The following TLNRD1 variants were observed in gnomAD, a reference collection of about 807,000 sequenced individuals.
TLNRD1 encodes the protein talin rod domain-containing protein 1.
Under a neutral mutation model 19.5 loss-of-function variants are expected in TLNRD1, and 14 were observed. The ratio of observed to expected loss-of-function variants is 0.72; its 90% CI spans 0.47 to 1.12. The LOEUF (loss-of-function observed/expected upper bound fraction) is 1.12. TLNRD1 is among the 50% of genes most tolerant of loss of function. The pLI, the probability that TLNRD1 is intolerant of heterozygous loss-of-function variation, is 0.00. For synonymous variants in TLNRD1, 345 were observed against 261.7 expected (o/e 1.32, Z -3.07); for missense variants, 569 against 531.9 (o/e 1.07, Z -0.69).
rs896284428 is a variant in TLNRD1, at chr15:81,002,853, G to C, written c.582G>C (p.Leu194=). 28 of 1,595,462 alleles carry C rather than the reference G, an allele frequency of 1.8e-5. No individual in the cohort carries two copies. Among genetic ancestry groups the C allele is most frequent in the Non-Finnish European group, 2.3e-5 (27 of 1,178,184 alleles). Residue 194 remains leucine, a synonymous_variant, in exon 1 of 1, where the codon CTG becomes CTC. Transcript: ENST00000267984. ...SQGLSRNLKF[L]TDACALASDK... is the part of the protein sequence containing the mutation. ...GCCTGTCGCGCAACCTCAAGTTCCT[G>C]ACGGACGCGTGCGCCCTGGCCAGTG...
At position 81,003,513 on chromosome 15, in the gene TLNRD1, A is replaced by T; in HGVS notation, c.*153A>T. 1.1e-6 allele frequency: 1 copy of T among 885,294 alleles called. No individual in the cohort carries two copies. The highest frequency in any genetic ancestry group is 1.7e-5 in the African/African-American group (1 of 58,836). The allele number at this position is 885,294 out of a possible 1,614,324, so 54.8% of individuals were successfully genotyped here. On this transcript the variant is annotated 3_prime_UTR_variant, in exon 1 of 1. Transcript: ENST00000267984. ...GAGGAATCTTCCACAAGGCAGGGCC[A>T]TGCACGCAACCTGCACACGCACTTG...
rs373917995 is a variant in TLNRD1 at position 81,003,177 on chromosome 15, G to C, written c.906G>C (p.Leu302=). 6.3e-7 allele frequency: 1 copy of C among 1,583,290 alleles called. No homozygotes were observed. The highest frequency in any genetic ancestry group is 1.3e-5 in the African/African-American group (1 of 74,392). Reference sequence around the variant, plus strand: ...GCGTGGTGTCGGCCTGCGTGCTCCTGACCCAGTGCCTCAGGGATCTGGCGC... The same window carrying C: ...GCGTGGTGTCGGCCTGCGTGCTCCTCACCCAGTGCCTCAGGGATCTGGCGC... ...AMSVVSACVL[L]TQCLRDLAQH... Residue 302 remains leucine, a synonymous_variant, in exon 1 of 1, where the codon CTG becomes CTC. Transcript: ENST00000267984.
chr15:81,002,800 C>A lies in TLNRD1; in HGVS notation c.529C>A (p.Pro177Thr). 6.4e-7 allele frequency: 1 copy of A among 1,565,772 alleles called. No individual in the cohort carries two copies. The change falls in exon 1 of 1, where the codon CCG (proline) becomes ACG (threonine). Residue 177 changes from proline to threonine, a missense_variant. Coordinates refer to ENST00000267984, the MANE Select transcript of TLNRD1 (RefSeq NM_022566.3). ...CGCCACGCCGCTGGCCGACATGACGCCGCAGCTGCTGCTGGAGGTGTCGCA... is the reference window on the plus strand; with the variant it reads ...CGCCACGCCGCTGGCCGACATGACGACGCAGCTGCTGCTGGAGGTGTCGCA... ...LRATPLADMTPQLLLEVSQGL... is the reference protein window; with the variant it reads ...LRATPLADMTTQLLLEVSQGL...
In TLNRD1 at chr15:81,002,349, C is replaced by G. The variant is rs940552952; in HGVS notation, c.78C>G (p.Ser26Arg). 7.1e-7 allele frequency: 1 copy of G among 1,408,188 alleles called. No individual in the cohort carries two copies. Among genetic ancestry groups the G allele is most frequent in the South Asian group, 1.5e-5 (1 of 65,956 alleles). 87.2% of individuals were successfully genotyped at this position (1,408,188 alleles called of 1,614,324 possible). A position where few individuals can be genotyped will look rare whatever the true frequency, so the allele number is the denominator to read the frequency against. The change falls in exon 1 of 1, where the codon AGC becomes AGG. Residue 26 changes from serine (S) to arginine (R), a missense_variant. Transcript: ENST00000267984. ...CTGCGAGCGCCATCGGCGGGGCCAG[C>G]TCGCAGCCGCGGAAGAGGCTGGTAT... ...PAPASAIGGA[S>R]SQPRKRLVSV...
At position 81,005,307 on chromosome 15, in the gene TLNRD1, T is replaced by C. The variant is rs1352894663; in HGVS notation, c.*1947T>C. ...TATTCCTTTCCTCTGCCCCTTAATG[T>C]TGGGATGGGGTTCAGGATGAAAGGG... On this transcript the variant is annotated 3_prime_UTR_variant, in exon 1 of 1. Transcript: ENST00000267984. 6.0e-6 allele frequency: 1 copy of C among 167,060 alleles called. No individual in the cohort carries two copies. The highest frequency in any genetic ancestry group is 1.5e-5 in the Non-Finnish European group (1 of 68,120). 10.3% of individuals were successfully genotyped at this position (167,060 alleles called of 1,614,324 possible).
At position 81,002,015 on chromosome 15, in the gene TLNRD1, C is replaced by T. The variant is rs1033948189; in HGVS notation, c.-257C>T. On this transcript the variant is annotated 5_prime_UTR_variant, in exon 1 of 1. Transcript: ENST00000267984. Reference sequence around the variant, plus strand: ...TGGTTCCTGCAAGCCCTCTAGGAGGCCGAAAGCTGCAGCCCCTCCCCTTGC... The same window carrying T: ...TGGTTCCTGCAAGCCCTCTAGGAGGTCGAAAGCTGCAGCCCCTCCCCTTGC... 2 of 279,122 alleles carry T rather than the reference C, an allele frequency of 7.2e-6. No homozygotes were observed. The highest frequency in any genetic ancestry group is 1.3e-4 in the East Asian group (2 of 15,956). 17.3% of individuals were successfully genotyped at this position (279,122 alleles called of 1,614,324 possible). A position where few individuals can be genotyped will look rare whatever the true frequency, so the allele number is the denominator to read the frequency against.
chr15:81,002,650 G>A lies in TLNRD1; in HGVS notation c.379G>A (p.Ala127Thr). The change falls in exon 1 of 1, where the codon GCC (alanine) becomes ACC (threonine). Residue 127 changes from alanine to threonine, a missense_variant. Transcript: ENST00000267984. ...GGTGGTGTCGCTGACCGAGTGCTCGGCCCACGCGGCCTATCTGGCCGCTGT... is the reference window on the plus strand; with the variant it reads ...GGTGGTGTCGCTGACCGAGTGCTCGACCCACGCGGCCTATCTGGCCGCTGT... ...DLVVSLTECSAHAAYLAAVAT... is the reference protein window; with the variant it reads ...DLVVSLTECSTHAAYLAAVAT... 1 of 1,472,756 alleles carries A rather than the reference G, an allele frequency of 6.8e-7. No individual in the cohort carries two copies. The highest frequency in any genetic ancestry group is 8.9e-7 in the Non-Finnish European group (1 of 1,124,416). 91.2% of individuals were successfully genotyped at this position (1,472,756 alleles called of 1,614,324 possible).
Position 81,002,505 on chromosome 15 carries a change from C to T in TLNRD1, c.234C>T (p.Cys78=). 6.7e-7 allele frequency: 1 copy of T among 1,487,692 alleles called. No individual in the cohort carries two copies. Among genetic ancestry groups the T allele is most frequent in the East Asian group, 2.5e-5 (1 of 39,506 alleles). The allele number at this position is 1,487,692 out of a possible 1,614,324, so 92.2% of individuals were successfully genotyped here. ...SGAGAESFEQ[C]RDTIIARTKG... ...CCGGCGCCGAGTCCTTCGAGCAGTG[C>T]CGGGACACCATCATCGCGCGCACCA... Residue 78 remains cysteine (C), a synonymous_variant, in exon 1 of 1, where the codon TGC becomes TGT. Transcript: ENST00000267984.
chr15:81,003,267 C>G lies in TLNRD1; in HGVS notation c.996C>G (p.Ala332=), dbSNP rs777463321. 6.8e-6 allele frequency: 11 copies of G among 1,610,146 alleles called. No individual in the cohort carries two copies. The highest frequency in any genetic ancestry group is 6.7e-5 in the Admixed American group (4 of 59,642). The change falls in exon 1 of 1, where the codon GCC becomes GCG. Residue 332 remains alanine, a synonymous_variant. Coordinates refer to ENST00000267984, the MANE Select transcript of TLNRD1 (RefSeq NM_022566.3). ...HRERLRNSAC[A]VSEGCTLLSQ... is the part of the protein sequence containing the mutation. ...AGAGGCTGAGGAACTCGGCCTGCGC[C>G]GTGTCTGAAGGCTGCACCCTGCTAT... is the stretch of plus-strand genomic sequence containing the variant.
In TLNRD1 at chr15:81,002,247, G is replaced by A; in HGVS notation, c.-25G>A. 1 of 1,256,548 alleles carries A rather than the reference G, an allele frequency of 8.0e-7. No homozygotes were observed. Among genetic ancestry groups the A allele is most frequent in the Non-Finnish European group, 1.0e-6 (1 of 1,001,360 alleles). The allele number at this position is 1,256,548 out of a possible 1,614,324, so 77.8% of individuals were successfully genotyped here. A position where few individuals can be genotyped will look rare whatever the true frequency, so the allele number is the denominator to read the frequency against. ...CGGCGGTGGTAGCGGGCTCCCCAGC[G>A]GCATGCCAGTGCCCCCCGGGCGCGA... On this transcript the variant is annotated 5_prime_UTR_variant, in exon 1 of 1. Coordinates refer to ENST00000267984, the MANE Select transcript of TLNRD1 (RefSeq NM_022566.3).
Position 81,002,878 on chromosome 15 carries a change from G to A in TLNRD1, c.607G>A (p.Asp203Asn). The change falls in exon 1 of 1, where the codon GAC (aspartate) becomes AAC (asparagine). Residue 203 changes from aspartate (D) to asparagine (N), a missense_variant. By Grantham distance (23) the Asp-to-Asn change is conservative (BLOSUM62 1). Coordinates refer to ENST00000267984, the MANE Select transcript of TLNRD1 (RefSeq NM_022566.3). ...GACGGACGCGTGCGCCCTGGCCAGT[G>A]ACAAGTCACGGGACCGCTTTTCGCG... The part of the protein sequence containing the change: ...FLTDACALAS[D>N]KSRDRFSREQ... 6.3e-7 allele frequency: 1 copy of A among 1,597,144 alleles called. No homozygotes were observed. The highest frequency in any genetic ancestry group is 8.5e-7 in the Non-Finnish European group (1 of 1,178,894).
At position 81,004,052 on chromosome 15, in the gene TLNRD1, T is replaced by C. The variant is rs1893461997; in HGVS notation, c.*692T>C. On this transcript the variant is annotated 3_prime_UTR_variant, in exon 1 of 1. Transcript: ENST00000267984. ...ATTTTTCAATAATTGTAATTTTGCATGCTGCATGTCATGTATGGGAAGGGT... is the reference window on the plus strand; with the variant it reads ...ATTTTTCAATAATTGTAATTTTGCACGCTGCATGTCATGTATGGGAAGGGT... The C allele has an allele frequency of 6.0e-6, 1 of 167,078 alleles. No individual in the cohort carries two copies. The highest frequency in any genetic ancestry group is 1.5e-5 in the Non-Finnish European group (1 of 68,126). 10.3% of individuals were successfully genotyped at this position (167,078 alleles called of 1,614,324 possible).
At position 81,003,316 on chromosome 15, in the gene TLNRD1, T is replaced by TC; in HGVS notation, c.1046dup (p.Pro350AlafsTer54). On this transcript the variant is annotated frameshift_variant, in exon 1 of 1. Transcript: ENST00000267984. LOFTEE classifies it high-confidence loss of function. ...ATCTCAGGCTTTAAGGGAGAGGTCT[T>TC]CGCCCAGGACTTTACCGCCAGTGAA... The TC allele has an allele frequency of 1.2e-6, 2 of 1,610,114 alleles. No individual in the cohort carries two copies. The highest frequency in any genetic ancestry group is 1.7e-6 in the Non-Finnish European group (2 of 1,177,768).
rs1357800253 is a variant in TLNRD1, at chr15:81,001,417, G to A, written c.-855G>A. The A allele has an allele frequency of 1.3e-5, 2 of 151,232 alleles. No homozygotes were observed. Among genetic ancestry groups the A allele is most frequent in the African/African-American group, 4.8e-5 (2 of 41,314 alleles). 9.4% of individuals were successfully genotyped at this position (151,232 alleles called of 1,614,324 possible). ...GCCGGGCCGCGCTCTGTGAACCGGC[G>A]AGGCGGGAAGGGGCCGCCGTGGTGC... On this transcript the variant is annotated 5_prime_UTR_variant, in exon 1 of 1. Transcript: ENST00000267984.
Position 81,003,774 on chromosome 15 carries a change from C to CT in TLNRD1, c.*421dup, listed in dbSNP as rs1379842418. On this transcript the variant is annotated 3_prime_UTR_variant, in exon 1 of 1. Coordinates refer to ENST00000267984, the MANE Select transcript of TLNRD1 (RefSeq NM_022566.3). ...ACTCCTTAGACATGGATGTAGCTAC[C>CT]TTTTTTTGTATGTCTTTTTTTTTTT... 2 of 172,904 alleles carry CT rather than the reference C, an allele frequency of 1.2e-5. No individual in the cohort carries two copies. Among genetic ancestry groups the CT allele is most frequent in the Non-Finnish European group, 1.4e-5 (1 of 73,734 alleles). The allele number at this position is 172,904 out of a possible 1,614,324, so 10.7% of individuals were successfully genotyped here.
In TLNRD1 at chr15:81,003,210, C is replaced by G. The variant is rs376950584; in HGVS notation, c.939C>G (p.Pro313=). Residue 313 remains proline (P), a synonymous_variant, in exon 1 of 1, where the codon CCC becomes CCG. Coordinates refer to ENST00000267984, the MANE Select transcript of TLNRD1 (RefSeq NM_022566.3). ...TQCLRDLAQH[P]DGGAKMSDHR... is the part of the protein sequence containing the mutation. ...GCCTCAGGGATCTGGCGCAGCACCC[C>G]GACGGGGGCGCCAAGATGTCGGACC... 4.8e-5 allele frequency: 76 copies of G among 1,598,010 alleles called. No homozygotes were observed. In the East Asian group the frequency reaches 1.6e-3, roughly 33 times the overall value.
rs1051018481 is a variant in TLNRD1 at position 81,002,151 on chromosome 15, C to T, written c.-121C>T. On this transcript the variant is annotated 5_prime_UTR_variant, in exon 1 of 1. Coordinates refer to ENST00000267984, the MANE Select transcript of TLNRD1 (RefSeq NM_022566.3). Reference sequence around the variant, plus strand: ...CGCGGCGGTGGATGGCATGATGGTGCGGGGAAGGCACCGCGGCCTTGGCCA... The same window carrying T: ...CGCGGCGGTGGATGGCATGATGGTGTGGGGAAGGCACCGCGGCCTTGGCCA... The T allele has an allele frequency of 2.8e-4, 306 of 1,084,810 alleles. No homozygotes were observed. Among genetic ancestry groups the T allele is most frequent in the Non-Finnish European group, 3.3e-4 (289 of 865,078 alleles). 67.2% of individuals were successfully genotyped at this position (1,084,810 alleles called of 1,614,324 possible). A position where few individuals can be genotyped will look rare whatever the true frequency, so the allele number is the denominator to read the frequency against.
rs770043275 is a variant in TLNRD1, at chr15:81,005,409, T to G, written c.*2049T>G. 7 of 167,096 alleles carry G rather than the reference T, an allele frequency of 4.2e-5. No individual in the cohort carries two copies. The highest frequency in any genetic ancestry group is 1.0e-4 in the Non-Finnish European group (7 of 68,118). The allele number at this position is 167,096 out of a possible 1,614,324, so 10.4% of individuals were successfully genotyped here. A position where few individuals can be genotyped will look rare whatever the true frequency, so the allele number is the denominator to read the frequency against. ...TTTTTATTTATTGAATGTACACAAG[T>G]AATGATGGAGTTTGATTATATGGTT... On this transcript the variant is annotated 3_prime_UTR_variant, in exon 1 of 1. Transcript: ENST00000267984.
Position 81,004,820 on chromosome 15 carries a change from A to G in TLNRD1, c.*1460A>G, listed in dbSNP as rs896055163. 2.4e-5 allele frequency: 4 copies of G among 167,020 alleles called. No individual in the cohort carries two copies. Among genetic ancestry groups the G allele is most frequent in the African/African-American group, 9.7e-5 (4 of 41,420 alleles). The allele number at this position is 167,020 out of a possible 1,614,324, so 10.3% of individuals were successfully genotyped here. On this transcript the variant is annotated 3_prime_UTR_variant, in exon 1 of 1. Coordinates refer to ENST00000267984, the MANE Select transcript of TLNRD1 (RefSeq NM_022566.3). The stretch of plus-strand genomic sequence containing the variant: ...TTTTGTTGAACCTAGTTAAATTCTG[A>G]ATATCTTCCCACTAAAAGCACAACA...
Sources: allele counts gnomAD v4.1 joint callset, GRCh38; gene constraint gnomAD v4.1.1; transcripts MANE v1.5; gene names NCBI Gene and HGNC (gene_info 2026-07-23, HGNC 2026-07-21).